The following PPP3CA variants were observed in gnomAD, a reference collection of about 807,000 sequenced individuals.
PPP3CA encodes the protein protein phosphatase 3 catalytic subunit alpha.
A neutral mutation model predicts 66.5 loss-of-function variants in PPP3CA; 14 were observed. That is an observed-to-expected ratio of 0.21 (90% confidence interval 0.14 to 0.33). PPP3CA has a LOEUF of 0.33. Ranked by LOEUF, PPP3CA falls within the 10% of genes least tolerant of loss-of-function variation. The pLI is 1.00. For missense variants in PPP3CA, 317 were observed against 639.5 expected, an observed-to-expected ratio of 0.50 and a Z score of 5.44; for synonymous variants, 232 against 226.2, an observed-to-expected ratio of 1.03 and a Z score of -0.23.
chr4:101,111,747 T>C (rs1482512801), intron 2 of PPP3CA, among the ~76,000 whole-genome samples: 1 of 152,186 alleles, frequency 6.6e-6, no homozygotes, highest in Non-Finnish European at 1.5e-5. Flanking sequence ...GGGGTGATAC[T>C]GGTACCTTAC....
chr4:101,335,152 T>G (rs1729583143), intron 1 of PPP3CA, among the ~76,000 whole-genome samples: 1 of 152,144 alleles, frequency 6.6e-6, no homozygotes, highest in Non-Finnish European at 1.5e-5. Context: ...ACAGCTGAGT[T>G]TAACACAACA....
chr4:101,249,407 T>C (rs1285341275), intron 1 of PPP3CA, among the ~76,000 whole-genome samples: 1 of 152,090 alleles, frequency 6.6e-6, no homozygotes, highest in Non-Finnish European at 1.5e-5. Flanking sequence ...AAAGCATCCA[T>C]TAAAAAATAC....
chr4:101,096,381 C>A (rs1483513611), intron 5 of PPP3CA, among the ~76,000 whole-genome samples: 2 of 152,098 alleles, frequency 1.3e-5, no homozygotes, highest in Non-Finnish European at 2.9e-5. Flanking sequence ...TAAAGAAACA[C>A]TACAAATGAG....
intron 7 of PPP3CA, among the ~76,000 whole-genome samples, chr4:101,080,891 G>A (rs1464291522): frequency 2.0e-5 from 3 of 152,062 alleles, no homozygotes; most frequent in Non-Finnish European, 4.4e-5. Context: ...AGAGAGGGTG[G>A]AATTCATTGG....
intron 3 of PPP3CA, among the ~76,000 whole-genome samples, chr4:101,106,438 A>G (rs1181272809): frequency 7.6e-5 from 1 of 13,094 alleles, no homozygotes; most frequent in Non-Finnish European, 1.6e-4. Context: ...AGAAAGAAAG[A>G]AAGAAAGAAA....
intron 5 of PPP3CA, among the ~76,000 whole-genome samples, chr4:101,094,263 A>G (rs1376978394): frequency 6.6e-6 from 1 of 151,758 alleles, no homozygotes; most frequent in Non-Finnish European, 1.5e-5. Flanking sequence ...TATCTATCCA[A>G]ATGTTTTTTT....
At chr4:101,094,589 A>G (rs1730111844) in intron 5 of PPP3CA, among the ~76,000 whole-genome samples, 1 of 152,178 alleles carries the variant, frequency 6.6e-6, no homozygotes, top group Non-Finnish European at 1.5e-5. Context: ...AATGATAAGC[A>G]GTAAAATAAA....
intron 5 of PPP3CA, 120 bp from the exon 6 acceptor site, chr4:101,094,035 G>A (rs1478604061): frequency 3.5e-6 from 3 of 847,520 alleles, no homozygotes; most frequent in Non-Finnish European, 5.0e-6. Flanking sequence ...AGCTCAGGGT[G>A]AAATGTCCTC....
At chr4:101,156,829 C>T (rs761194559) in intron 2 of PPP3CA, among the ~76,000 whole-genome samples, 13 of 152,230 alleles carry the variant, frequency 8.5e-5, no homozygotes, top group East Asian at 5.8e-4. Context: ...TCCTTTAAAT[C>T]GATTTCTAAA....
chr4:101,165,325 G>A (rs1723658014), intron 2 of PPP3CA, among the ~76,000 whole-genome samples: 1 of 152,068 alleles, frequency 6.6e-6, no homozygotes, highest in Non-Finnish European at 1.5e-5. Context: ...CCCAAACATT[G>A]AAAAATGAAA....
At chr4:101,145,692 A>G (rs1171620771) in intron 2 of PPP3CA, among the ~76,000 whole-genome samples, 5 of 152,192 alleles carry the variant, frequency 3.3e-5, no homozygotes, top group Non-Finnish European at 7.3e-5. Flanking sequence ...ATAATTAGAA[A>G]GAATAATTAA....
At chr4:101,301,257 C>G (rs1022210659) in intron 1 of PPP3CA, among the ~76,000 whole-genome samples, 1 of 151,592 alleles carries the variant, frequency 6.6e-6, no homozygotes, top group Admixed American at 6.6e-5. Context: ...TTTACTGAAA[C>G]TACAAAATTC....
chr4:101,135,360 G>T (rs1457138628), intron 2 of PPP3CA, among the ~76,000 whole-genome samples: 1 of 152,000 alleles, frequency 6.6e-6, no homozygotes, highest in African/African-American at 2.4e-5. Context: ...TGCCATGTCT[G>T]TGTTGAAACC....
intron 2 of PPP3CA, among the ~76,000 whole-genome samples, chr4:101,189,609 A>G (rs912777483): frequency 1.3e-5 from 2 of 150,540 alleles, no homozygotes; most frequent in African/African-American, 4.9e-5. Flanking sequence ...TGTAGAATGG[A>G]ACTGATAACA....
chr4:101,052,059 G>A (rs78576998), intron 10 of PPP3CA, among the ~76,000 whole-genome samples: 29 of 151,916 alleles, frequency 1.9e-4, no homozygotes, highest in African/African-American at 6.8e-4. Flanking sequence ...TGCAAATTAC[G>A]AGCTTCCATG....
rs138497654 is a variant in PPP3CA, at chr4:101,095,226, C to T, written c.643-1311G>A. On this transcript the variant is annotated intron_variant, in intron 5 of 13. Transcript: ENST00000394854. ...TACATTCAAGAAAAATAATACTTGT[C>T]CCTAAAAATACAGAACTTCTTTCTG... 4.3e-3 allele frequency among the ~76,000 whole-genome samples: 656 copies of T among 152,034 alleles called. 2 individuals are homozygous for T. Among genetic ancestry groups the T allele is most frequent in the African/African-American group, 0.014 (571 of 41,464 alleles).
intron 1 of PPP3CA, among the ~76,000 whole-genome samples, 158 bp from the exon 2 acceptor site, chr4:101,196,274 A>G (rs928539283): frequency 1.3e-5 from 2 of 152,226 alleles, no homozygotes; most frequent in African/African-American, 4.8e-5. Flanking sequence ...ATCAAAAATT[A>G]AGAACTGCAT....
intron 10 of PPP3CA, among the ~76,000 whole-genome samples, chr4:101,046,165 A>G (rs1289029578): frequency 6.6e-6 from 1 of 152,222 alleles, no homozygotes; most frequent in Non-Finnish European, 1.5e-5. Flanking sequence ...ATCCAGAAGA[A>G]AACTGAACTG....
intron 6 of PPP3CA, among the ~76,000 whole-genome samples, 193 bp from the exon 7 acceptor site, chr4:101,083,456 C>A (rs1003849393): frequency 6.6e-6 from 1 of 151,980 alleles, no homozygotes; most frequent in African/African-American, 2.4e-5. Flanking sequence ...GTACTTTTTA[C>A]ATAATCAGAA....
Sources: gnomAD v4.1 joint callset for allele counts (sites outside exome capture counted in the v4.1 genomes callset) on GRCh38, gnomAD v4.1.1 for gene constraint, MANE v1.5 for transcripts, NCBI Gene and HGNC (gene_info 2026-07-23, HGNC 2026-07-21) for gene names.